TNFRSF8: variants seen among roughly 807,000 people sequenced by gnomAD.
TNFRSF8 encodes tumor necrosis factor receptor superfamily member 8.
Under a neutral mutation model 70.8 loss-of-function variants are expected in TNFRSF8, and 26 were observed. That is an observed-to-expected ratio of 0.37 (90% CI 0.27 to 0.51). The LOEUF is 0.51. Among genes scored for constraint, TNFRSF8 ranks in the 20% least tolerant of loss-of-function variants. TNFRSF8 has a pLI of 0.94. For missense variants in TNFRSF8, 720 were observed against 807.9 expected (o/e 0.89, Z 1.32); for synonymous variants, 356 against 339.2 (o/e 1.05, Z -0.54).
At chr1:12,137,382 G>A (rs1332550094) in intron 13 of TNFRSF8, among the ~76,000 whole-genome samples, 1 of 152,078 alleles carries the variant, frequency 6.6e-6, no homozygotes, top group Non-Finnish European at 1.5e-5. Context: ...CGCCCTCTGT[G>A]CCTTGAGAAT....
intron 10 of TNFRSF8, among the ~76,000 whole-genome samples, chr1:12,124,441 T>C (rs1641892861): frequency 6.6e-6 from 1 of 152,260 alleles, no homozygotes; most frequent in Admixed American, 6.5e-5. Flanking sequence ...TTCGAGCCTT[T>C]GAGCCTCAGT....
At position 12,125,843 on chromosome 1, in the gene TNFRSF8, A is replaced by G. The variant is rs1641926950; in HGVS notation, c.1154-108A>G. 6 of 866,750 alleles carry G rather than the reference A, an allele frequency of 6.9e-6. No homozygotes were observed. The Admixed American group carries it at 1.0e-4, about 15-fold the overall frequency. 53.7% of individuals were successfully genotyped at this position (866,750 alleles called of 1,614,324 possible). ...GGCTTGGAAAGGACCTGTTGTTGTTAGCCATGATGGAAGCTGTGTCCCAGG... is the reference window on the plus strand; with the variant it reads ...GGCTTGGAAAGGACCTGTTGTTGTTGGCCATGATGGAAGCTGTGTCCCAGG... On this transcript the variant is annotated intron_variant, in intron 10 of 14. Coordinates refer to ENST00000263932, the MANE Select transcript of TNFRSF8 (RefSeq NM_001243.5).
chr1:12,095,283 C>T (rs1641312442), intron 2 of TNFRSF8, among the ~76,000 whole-genome samples: 1 of 150,994 alleles, frequency 6.6e-6, no homozygotes, highest in African/African-American at 2.4e-5. Flanking sequence ...TCACATGTTA[C>T]TGTATCTTTT....
In TNFRSF8 at chr1:12,141,467, C is replaced by G. The variant is rs548390326; in HGVS notation, c.1544-820C>G. On this transcript the variant is annotated intron_variant, in intron 14 of 14. Transcript: ENST00000263932. This position sits in a 1 kb window ranked among gnomAD's most constrained non-coding sequence, Gnocchi z 5.4. ...CGAGGACCGGCCCTCCGTCCAAGCT[C>G]CCACCATGTGCTCACAGCACAGCCA... is the stretch of plus-strand genomic sequence containing the variant. Among the ~76,000 whole-genome samples the G allele has an allele frequency of 6.6e-6, 1 of 152,260 alleles. No individual in the cohort carries two copies. The highest frequency in any genetic ancestry group is 2.4e-5 in the African/African-American group (1 of 41,474).
chr1:12,132,025 A>G (rs1039214925), intron 12 of TNFRSF8, among the ~76,000 whole-genome samples: 7 of 149,544 alleles, frequency 4.7e-5, no homozygotes, highest in East Asian at 2.0e-4. Flanking sequence ...AACTCCTGGC[A>G]TCGTGATTTG....
In TNFRSF8 at chr1:12,123,388, C is replaced by G. The variant is rs370515688; in HGVS notation, c.1040+11C>G. 1.9e-6 allele frequency: 3 copies of G among 1,597,768 alleles called. No homozygotes were observed. The highest frequency in any genetic ancestry group is 2.3e-5 in the South Asian group (2 of 88,184). ...CGAGGCGCCTGCCAGGTGACTCCCC[C>G]ACCCCTTCTCTCTGTTTGGCTGCTG... On this transcript the variant is annotated intron_variant, in intron 9 of 14. Coordinates refer to ENST00000263932, the MANE Select transcript of TNFRSF8 (RefSeq NM_001243.5).
chr1:12,072,773 C>T (rs538471337), intron 1 of TNFRSF8, among the ~76,000 whole-genome samples: 3 of 152,198 alleles, frequency 2.0e-5, no homozygotes, highest in Non-Finnish European at 2.9e-5. Flanking sequence ...ATGTGGCCTC[C>T]ACACAGTTTA....
At chr1:12,094,085 C>T (rs1223178980) in intron 2 of TNFRSF8, among the ~76,000 whole-genome samples, 3 of 144,036 alleles carry the variant, frequency 2.1e-5, no homozygotes, top group South Asian at 2.2e-4. Context: ...AAAAAAAATC[C>T]GCCCACCTCA....
intron 3 of TNFRSF8, 80 bp from the exon 4 acceptor site, chr1:12,104,299 C>T (rs1438558944): frequency 7.2e-6 from 11 of 1,536,592 alleles, no homozygotes; most frequent in South Asian, 1.1e-5. Context: ...TGCACCTGCC[C>T]TCTCCCCCTC....
intron 2 of TNFRSF8, among the ~76,000 whole-genome samples, chr1:12,095,317 C>A (rs1432325783): frequency 6.9e-6 from 1 of 145,798 alleles, no homozygotes; most frequent in Non-Finnish European, 1.5e-5. Context: ...GATGGAGTTT[C>A]GCTCCTGTTG....
intron 1 of TNFRSF8, among the ~76,000 whole-genome samples, chr1:12,065,471 A>G (rs1435381467): frequency 6.6e-6 from 1 of 152,266 alleles, no homozygotes; most frequent in African/African-American, 2.4e-5. Flanking sequence ...TGTAAACGCT[A>G]CAGATAAAGC....
In TNFRSF8 at chr1:12,109,610, G is replaced by T; in HGVS notation, c.466G>T (p.Val156Phe). The T allele has an allele frequency of 3.1e-6, 5 of 1,613,746 alleles. No individual in the cohort carries two copies. Among genetic ancestry groups the T allele is most frequent in the South Asian group, 1.1e-5 (1 of 91,082 alleles). ...GGTCTGTGAGCCGGCTTCCCCAGGG[G>T]TCAGCCCTGCCTGTGCCAGCCCAGA... ...NTVCEPASPG[V>F]SPACASPENC... Residue 156 changes from valine to phenylalanine, a missense_variant, in exon 5 of 15, where the codon GTC becomes TTC. Val to Phe is a conservative substitution (Grantham distance 50). Transcript: ENST00000263932. The surrounding 1 kb of genome is among the most constrained non-coding windows in gnomAD (Gnocchi z 4.4).
At position 12,142,261 on chromosome 1, in the gene TNFRSF8, C is replaced by A; in HGVS notation, c.1544-26C>A. ...TCCTGGCTGGTGCTCTGGCCTCCCT[C>A]GCTCACCCATCCTTTTGCCTTGCAG... On this transcript the variant is annotated intron_variant, in intron 14 of 14. Coordinates refer to ENST00000263932, the MANE Select transcript of TNFRSF8 (RefSeq NM_001243.5). The surrounding 1 kb of genome is among the most constrained non-coding windows in gnomAD (Gnocchi z 5.0). The A allele has an allele frequency of 6.5e-7, 1 of 1,549,328 alleles. No individual in the cohort carries two copies. Among genetic ancestry groups the A allele is most frequent in the Non-Finnish European group, 8.7e-7 (1 of 1,143,466 alleles).
At chr1:12,065,557 G>T (rs927800576) in intron 1 of TNFRSF8, among the ~76,000 whole-genome samples, 2 of 152,032 alleles carry the variant, frequency 1.3e-5, no homozygotes, top group Admixed American at 1.3e-4. Flanking sequence ...TGTTTCCTTT[G>T]CAGACCTTTA....
intron 2 of TNFRSF8, 106 bp downstream of exon 2, chr1:12,084,657 C>A: frequency 9.5e-7 from 1 of 1,058,044 alleles, no homozygotes; most frequent in South Asian, 1.4e-5. Flanking sequence ...CCGTCATCGT[C>A]ATAATTGGCT....
chr1:12,134,030 A>C (rs894647245), intron 12 of TNFRSF8, among the ~76,000 whole-genome samples: 2 of 152,122 alleles, frequency 1.3e-5, no homozygotes, highest in East Asian at 3.9e-4. Flanking sequence ...ACAGAGTGAG[A>C]CTCTGTCTCA....
At chr1:12,069,734 C>T (rs534783735) in intron 1 of TNFRSF8, among the ~76,000 whole-genome samples, 19 of 152,286 alleles carry the variant, frequency 1.2e-4, no homozygotes, top group South Asian at 4.1e-4. Flanking sequence ...ATCCATGCAC[C>T]GCATAGCAGG....
chr1:12,139,361 G>A (rs1190300104), intron 14 of TNFRSF8, among the ~76,000 whole-genome samples: 1 of 152,090 alleles, frequency 6.6e-6, no homozygotes, highest in Non-Finnish European at 1.5e-5. Flanking sequence ...CTTCTCAATG[G>A]GAGCTACCCC....
chr1:12,088,526 C>T lies in TNFRSF8; in HGVS notation c.151+3975C>T, dbSNP rs538578517. On this transcript the variant is annotated intron_variant, in intron 2 of 14. Coordinates refer to ENST00000263932, the MANE Select transcript of TNFRSF8 (RefSeq NM_001243.5). The surrounding 1 kb of genome is among the most constrained non-coding windows in gnomAD (Gnocchi z 4.0). ...CGAATTTGGGAGGCAGAAGAGTTTA[C>T]GAGTGAAGAGCTAATGCGGGGGCTA... Among the ~76,000 whole-genome samples, 32 of 152,226 alleles carry T rather than the reference C, an allele frequency of 2.1e-4. No homozygotes were observed. Among genetic ancestry groups the T allele is most frequent in the African/African-American group, 6.7e-4 (28 of 41,540 alleles).
Sources: gnomAD v4.1 joint callset for allele counts (sites outside exome capture counted in the v4.1 genomes callset) on GRCh38, gnomAD v4.1.1 for gene constraint, Gnocchi (gnomAD v3.1) non-coding constraint, MANE v1.5 for transcripts, NCBI Gene and HGNC (gene_info 2026-07-23, HGNC 2026-07-21) for gene names.